PDE8B: variants seen among roughly 807,000 people sequenced by gnomAD.
PDE8B encodes phosphodiesterase 8B.
Under a neutral mutation model 101.3 loss-of-function variants are expected in PDE8B, and 26 were observed. The observed-to-expected ratio is 0.26, with a 90% confidence interval of 0.19 to 0.36. The LOEUF (loss-of-function observed/expected upper bound fraction) is 0.36, where lower values mean the gene tolerates loss of function less well. PDE8B is among the 10% of genes least tolerant of loss of function. PDE8B has a pLI of 1.00. For missense variants in PDE8B, 810 were observed against 1,163.1 expected, an observed-to-expected ratio of 0.70 and a Z score of 4.42; for synonymous variants, 424 against 429.3, an observed-to-expected ratio of 0.99 and a Z score of 0.15.
chr5:77,154,837 C>T, the PDE8B span, among the ~76,000 whole-genome samples: 2 of 152,322 alleles, frequency 1.3e-5, no homozygotes, highest in East Asian at 3.9e-4. Context: ...CAGAAACATT[C>T]AGTAAAAATC....
intron 1 of PDE8B, among the ~76,000 whole-genome samples, chr5:77,260,503 C>T (rs949008542): frequency 1.3e-5 from 2 of 151,532 alleles, no homozygotes; most frequent in African/African-American, 2.4e-5. Flanking sequence ...CCATAGACAT[C>T]AGTTGCATAG....
chr5:77,108,660 G>C, the PDE8B span, among the ~76,000 whole-genome samples: 49,771 of 152,130 alleles, frequency 0.33, 9,602 homozygotes, highest in Non-Finnish European at 0.42. Context: ...TTCAGCCTGG[G>C]TGACAAAGCG....
At chr5:77,188,225 T>G in the PDE8B span, among the ~76,000 whole-genome samples, 1 of 152,208 alleles carries the variant, frequency 6.6e-6, no homozygotes, top group African/African-American at 2.4e-5. Context: ...TGAGGAGTTC[T>G]AGATCCTGTC....
intron 1 of PDE8B, among the ~76,000 whole-genome samples, chr5:77,263,422 C>T (rs952498338): frequency 2.6e-5 from 4 of 152,026 alleles, no homozygotes; most frequent in African/African-American, 7.2e-5. Context: ...TTCTTTAGTA[C>T]TAAGAGCTTT....
chr5:77,274,236 A>G (rs1763380685), intron 1 of PDE8B, among the ~76,000 whole-genome samples: 1 of 152,284 alleles, frequency 6.6e-6, no homozygotes, highest in South Asian at 2.1e-4. Context: ...AAAAATCCCT[A>G]TGAGGTAGGG....
At chr5:77,389,810 T>C (rs758330959) in intron 10 of PDE8B, among the ~76,000 whole-genome samples, 17 of 152,200 alleles carry the variant, frequency 1.1e-4, no homozygotes, top group Non-Finnish European at 1.9e-4. Context: ...GAATATTCCT[T>C]TGCATCAGTC....
chr5:77,162,475 T>G, the PDE8B span, among the ~76,000 whole-genome samples: 68 of 152,102 alleles, frequency 4.5e-4, no homozygotes, highest in Non-Finnish European at 7.1e-4. Flanking sequence ...AAAAATAAAT[T>G]GAAAGGGAAG....
At chr5:77,310,179 G>A (rs1772275012) in intron 1 of PDE8B, among the ~76,000 whole-genome samples, 1 of 152,128 alleles carries the variant, frequency 6.6e-6, no homozygotes, top group African/African-American at 2.4e-5. Flanking sequence ...TTGAACTCCT[G>A]ACTTCAGGTG....
At chr5:77,291,579 A>G in intron 1 of PDE8B, 1 of 1,597,656 alleles carries the variant, frequency 6.3e-7, no homozygotes. Context: ...AGATCTGGGC[A>G]GAATCTTTCG....
At chr5:77,139,111 C>T in the PDE8B span, 1 of 152,202 alleles carries the variant, frequency 6.6e-6, no homozygotes, top group African/African-American at 2.4e-5. Flanking sequence ...ACACGCTATA[C>T]CCCAGCACAT....
At chr5:77,381,642 C>T (rs899999964) in intron 10 of PDE8B, among the ~76,000 whole-genome samples, 3 of 151,832 alleles carry the variant, frequency 2.0e-5, no homozygotes, top group Admixed American at 6.6e-5. Flanking sequence ...AAAAGGTTGA[C>T]ATGAACACAT....
chr5:77,240,400 G>T (rs577049203), intron 1 of PDE8B, among the ~76,000 whole-genome samples: 1 of 152,116 alleles, frequency 6.6e-6, no homozygotes, highest in Admixed American at 6.5e-5. Context: ...TGATCCGCCC[G>T]CCTCGGCCTC....
intron 1 of PDE8B, among the ~76,000 whole-genome samples, chr5:77,281,258 TC>T (rs1338993646): frequency 2.0e-5 from 3 of 152,168 alleles, no homozygotes; most frequent in Admixed American, 1.3e-4. Context: ...CCAGCGTCCC[TC>T]CCCGAGGCCT....
chr5:77,409,023 C>G lies in PDE8B; in HGVS notation c.1496C>G (p.Pro499Arg). Residue 499 changes from proline (P) to arginine (R), a missense_variant, in exon 14 of 22, where the codon CCC becomes CGC. Pro to Arg is a moderately radical substitution (Grantham distance 103). Coordinates refer to ENST00000264917, the MANE Select transcript of PDE8B (RefSeq NM_003719.5). ...SPQLGTKDED[P>R]HTSDLVGGLM... ...CAGCTGGGTACCAAAGATGAAGATC[C>G]CCACACCAGTGATCTTGTTGGAGGC... 1.9e-6 allele frequency: 3 copies of G among 1,613,714 alleles called. No homozygotes were observed. The highest frequency in any genetic ancestry group is 3.3e-5 in the Admixed American group (2 of 60,012).
intron 18 of PDE8B, among the ~76,000 whole-genome samples, 168 bp from the exon 19 acceptor site, chr5:77,419,599 C>T (rs1453341730): frequency 6.6e-6 from 1 of 152,186 alleles, no homozygotes; most frequent in Non-Finnish European, 1.5e-5. Flanking sequence ...ATAGCATCTG[C>T]AAGTCTTGCT....
chr5:77,388,030 TA>T (rs1554095692), intron 10 of PDE8B, among the ~76,000 whole-genome samples: 1 of 152,184 alleles, frequency 6.6e-6, no homozygotes, highest in Non-Finnish European at 1.5e-5. Context: ...CATGCTCCTT[TA>T]GCTCGGAGGA....
the PDE8B span, chr5:77,113,501 A>G: frequency 1.2e-4 from 18 of 152,234 alleles, no homozygotes; most frequent in African/African-American, 4.1e-4. Context: ...TACACTGTAT[A>G]CAAAAGTTAA....
At chr5:77,306,114 A>C (rs1342651661) in intron 1 of PDE8B, among the ~76,000 whole-genome samples, 1 of 152,156 alleles carries the variant, frequency 6.6e-6, no homozygotes, top group Non-Finnish European at 1.5e-5. Context: ...ACAGACTACC[A>C]GGCACAAGCA....
At chr5:77,089,501 T>G in the PDE8B span, 1 of 152,152 alleles carries the variant, frequency 6.6e-6, no homozygotes, top group Non-Finnish European at 1.5e-5. Flanking sequence ...CCAAACCTAT[T>G]CCCCACCCCT....
Sources: gnomAD v4.1 joint callset for allele counts (sites outside exome capture counted in the v4.1 genomes callset) on GRCh38, gnomAD v4.1.1 for gene constraint, MANE v1.5 for transcripts, NCBI Gene and HGNC (gene_info 2026-07-23, HGNC 2026-07-21) for gene names.